Variants in CD44 observed in about 807,000 individuals in gnomAD.
The protein encoded by CD44 is CD44 molecule (IN blood group), also known as CD44 antigen.
Under a neutral mutation model 88.8 loss-of-function variants are expected in CD44, and 49 were observed. The ratio of observed to expected loss-of-function variants is 0.55; its 90% CI spans 0.44 to 0.70. CD44 has a LOEUF of 0.70. CD44 is among the 30% of genes least tolerant of loss of function. CD44 has a pLI of 0.00. For missense variants in CD44, 883 were observed against 913.8 expected (o/e 0.97, Z 0.43); for synonymous variants, 325 against 312.3 (o/e 1.04, Z -0.43).
At position 35,204,524 on chromosome 11, in the gene CD44, C is replaced by G. The variant is rs1309078683; in HGVS notation, c.1166C>G (p.Pro389Arg). 1 of 1,613,266 alleles carries G rather than the reference C, an allele frequency of 6.2e-7. No individual in the cohort carries two copies. The highest frequency in any genetic ancestry group is 8.5e-7 in the Non-Finnish European group (1 of 1,179,428). ...PHSTSTIQAT[P>R]SSTTEETATQ... ...ATTCTTCTCACAGTCCAGGCAACTC[C>G]TAGTAGTACAACGGAAGAAACAGCT... Residue 389 changes from proline to arginine, a missense_variant, in exon 10 of 18, where the codon CCT becomes CGT. Physicochemically the swap from Pro to Arg is moderately radical, Grantham distance 103. Around this residue, in one of 2 missense-constraint regions of CD44, gnomAD observed 631 missense variants for 590.9 expected, o/e 1.07. Transcript: ENST00000428726.
chr11:35,169,150 C>T (rs1009161646), intron 1 of CD44, among the ~76,000 whole-genome samples: 2 of 152,000 alleles, frequency 1.3e-5, no homozygotes, highest in African/African-American at 4.8e-5. Context: ...GGGTTGGGGG[C>T]AGAAAGAGAG....
rs1268396909 is a variant in CD44, at chr11:35,230,214, T to C, written c.*881T>C. On this transcript the variant is annotated 3_prime_UTR_variant, in exon 18 of 18. Coordinates refer to ENST00000428726, the MANE Select transcript of CD44 (RefSeq NM_000610.4). ...GGAGGGCAGCACTGTTTTTGTTTTT[T>C]GTTTTTTGTTTTTTTTTTTTGACAC... 2 of 124,414 alleles carry C rather than the reference T, an allele frequency of 1.6e-5. No individual in the cohort carries two copies. Among genetic ancestry groups the C allele is most frequent in the African/African-American group, 6.8e-5 (2 of 29,212 alleles). 7.7% of individuals were successfully genotyped at this position (124,414 alleles called of 1,614,324 possible).
intron 17 of CD44, among the ~76,000 whole-genome samples, chr11:35,223,505 TGG>T (rs1491416899): frequency 2.0e-5 from 3 of 152,090 alleles, no homozygotes; most frequent in Non-Finnish European, 4.4e-5. Context: ...ACATTGGGGC[TGG>T]GTATCTCCCC....
At position 35,229,183 on chromosome 11, in the gene CD44, C is replaced by A. The variant is rs1232721000; in HGVS notation, c.2079C>A (p.Asp693Glu). ...ACAGTGGCAATGGAGCTGTGGAGGACAGAAAGCCAAGTGGACTCAACGGAG... is the reference window on the plus strand; with the variant it reads ...ACAGTGGCAATGGAGCTGTGGAGGAAAGAAAGCCAAGTGGACTCAACGGAG... ...VINSGNGAVEDRKPSGLNGEA... is the reference protein window; with the variant it reads ...VINSGNGAVEERKPSGLNGEA... The change falls in exon 18 of 18, where the codon GAC becomes GAA. Residue 693 changes from aspartate to glutamate, a missense_variant. Transcript: ENST00000428726. 5 of 1,614,038 alleles carry A rather than the reference C, an allele frequency of 3.1e-6. No individual in the cohort carries two copies. Among genetic ancestry groups the A allele is most frequent in the Non-Finnish European group, 4.2e-6 (5 of 1,179,950 alleles).
chr11:35,154,655 T>C (rs1941616460), intron 1 of CD44, among the ~76,000 whole-genome samples: 1 of 152,206 alleles, frequency 6.6e-6, no homozygotes, highest in Admixed American at 6.5e-5. Flanking sequence ...TTTACTCAAA[T>C]TGGCTTTATT....
At chr11:35,169,159 A>G (rs897846352) in intron 1 of CD44, among the ~76,000 whole-genome samples, 12 of 152,154 alleles carry the variant, frequency 7.9e-5, no homozygotes, top group African/African-American at 2.9e-4. Context: ...GCAGAAAGAG[A>G]GCATTTATTA....
At chr11:35,223,034 T>C in intron 17 of CD44, 1 of 985,402 alleles carries the variant, frequency 1.0e-6, no homozygotes, top group Non-Finnish European at 1.2e-6. Flanking sequence ...TTACAATAAT[T>C]ACGCTGGTAC....
At chr11:35,193,647 C>T (rs758950792) in intron 5 of CD44, among the ~76,000 whole-genome samples, 2 of 152,110 alleles carry the variant, frequency 1.3e-5, no homozygotes, top group Non-Finnish European at 2.9e-5. Flanking sequence ...ATGGTTTTTG[C>T]CATTCCATTT....
intron 1 of CD44, among the ~76,000 whole-genome samples, chr11:35,173,276 C>T (rs540566077): frequency 5.9e-5 from 9 of 152,298 alleles, no homozygotes; most frequent in African/African-American, 2.2e-4. Context: ...GATAGGAATG[C>T]TTTGTTTTTC....
chr11:35,156,659 G>T (rs1241484024), intron 1 of CD44, among the ~76,000 whole-genome samples: 1 of 152,118 alleles, frequency 6.6e-6, no homozygotes, highest in Non-Finnish European at 1.5e-5. Flanking sequence ...CACAGGACTT[G>T]AGAAAAAAGG....
intron 5 of CD44, among the ~76,000 whole-genome samples, chr11:35,193,093 G>C (rs1946428941): frequency 6.6e-6 from 1 of 152,008 alleles, no homozygotes; most frequent in Non-Finnish European, 1.5e-5. Context: ...GAGGCTTCAT[G>C]GGTAAAATTG....
chr11:35,210,164 G>C, intron 13 of CD44, 110 bp downstream of exon 13: 1 of 604,238 alleles, frequency 1.7e-6, no homozygotes, highest in East Asian at 3.1e-5. Context: ...CCGTTACACT[G>C]TTACTTTTAA....
chr11:35,180,951 G>A (rs1249106867), intron 3 of CD44, among the ~76,000 whole-genome samples: 2 of 152,192 alleles, frequency 1.3e-5, no homozygotes, highest in Non-Finnish European at 2.9e-5. Context: ...GGTGGTCAGG[G>A]AAAGTGCCTC....
At chr11:35,197,108 GA>G (rs1221318841) in intron 6 of CD44, 7 of 374,740 alleles carry the variant, frequency 1.9e-5, no homozygotes, top group Non-Finnish European at 3.4e-5. Flanking sequence ...GGCTAATACA[GA>G]GACTATGAAA....
chr11:35,179,200 C>T (rs1316659363), intron 2 of CD44, among the ~76,000 whole-genome samples: 1 of 152,138 alleles, frequency 6.6e-6, no homozygotes, highest in Non-Finnish European at 1.5e-5. Flanking sequence ...GGGTGATGCA[C>T]TCCATGCTGT....
At chr11:35,154,146 C>T (rs1941544469) in intron 1 of CD44, among the ~76,000 whole-genome samples, 1 of 152,208 alleles carries the variant, frequency 6.6e-6, no homozygotes, top group Non-Finnish European at 1.5e-5. Context: ...TCATAATTTA[C>T]TTAGGGATCT....
intron 1 of CD44, among the ~76,000 whole-genome samples, chr11:35,162,813 G>C (rs781459505): frequency 6.6e-6 from 1 of 152,062 alleles, no homozygotes; most frequent in Non-Finnish European, 1.5e-5. Context: ...GTGAATAGCA[G>C]TAGTGTTCTT....
intron 3 of CD44, 91 bp from the exon 4 acceptor site, chr11:35,186,741 G>C (rs929672367): frequency 1.3e-6 from 1 of 776,552 alleles, no homozygotes; most frequent in Non-Finnish European, 2.3e-6. Context: ...ATAAGTTATA[G>C]TAAAACTCCA....
chr11:35,148,791 T>A (rs1255359187), intron 1 of CD44, among the ~76,000 whole-genome samples: 1 of 152,250 alleles, frequency 6.6e-6, no homozygotes, highest in Non-Finnish European at 1.5e-5. Flanking sequence ...GAATTAATAA[T>A]GTTTCTAGAC....
Sources: allele counts gnomAD v4.1 joint callset (sites outside exome capture counted in the v4.1 genomes callset), GRCh38; gene constraint gnomAD v4.1.1; regional missense constraint gnomAD v4.1.1; transcripts MANE v1.5; gene names NCBI Gene and HGNC (gene_info 2026-07-23, HGNC 2026-07-21).